Variants in AFG1L observed in about 807,000 individuals in gnomAD.
AFG1L encodes AFG1-like ATPase.
A neutral mutation model predicts 62.2 loss-of-function variants in AFG1L; 53 were observed. The observed-to-expected ratio is 0.85, with a 90% CI of 0.68 to 1.07. The LOEUF is 1.07. Ranked by LOEUF, AFG1L falls within the 50% of genes least tolerant of loss-of-function variation. AFG1L has a pLI of 0.00. For missense variants in AFG1L, 555 were observed against 590.5 expected, an observed-to-expected ratio of 0.94 and a Z score of 0.62; for synonymous variants, 228 against 210.3, an observed-to-expected ratio of 1.08 and a Z score of -0.73.
chr6:108,321,449 G>T (rs1777809201), intron 1 of AFG1L, among the ~76,000 whole-genome samples: 1 of 152,128 alleles, frequency 6.6e-6, no homozygotes, highest in Non-Finnish European at 1.5e-5. Context: ...GTCAGTGCGT[G>T]GGGCTGAAAG....
intron 10 of AFG1L, among the ~76,000 whole-genome samples, chr6:108,480,671 A>G (rs941719831): frequency 6.6e-6 from 1 of 152,104 alleles, no homozygotes; most frequent in Non-Finnish European, 1.5e-5. Flanking sequence ...GGTGGCAAGC[A>G]TCTGTAATCC....
At chr6:108,399,170 T>TTTTG (rs1433392811) in intron 6 of AFG1L, among the ~76,000 whole-genome samples, 5 of 138,822 alleles carry the variant, frequency 3.6e-5, no homozygotes, top group African/African-American at 1.4e-4. Context: ...CTGTCACTTC[T>TTTTG]TTTGTTTGTT....
intron 6 of AFG1L, 65 bp from the exon 7 acceptor site, chr6:108,401,931 C>T: frequency 4.1e-6 from 3 of 734,128 alleles, no homozygotes. Context: ...ATTTGCCAGG[C>T]TAAACGATAA....
intron 7 of AFG1L, among the ~76,000 whole-genome samples, chr6:108,427,112 A>G (rs1770848721): frequency 6.6e-6 from 1 of 151,916 alleles, no homozygotes; most frequent in Admixed American, 6.6e-5. Context: ...TTATTTATTT[A>G]TCTTTTTGGA....
intron 1 of AFG1L, among the ~76,000 whole-genome samples, chr6:108,321,839 C>G (rs1777821872): frequency 6.6e-6 from 1 of 152,106 alleles, no homozygotes; most frequent in South Asian, 2.1e-4. Context: ...AACAGAGACC[C>G]CAATTATACA....
In AFG1L at chr6:108,510,336, A is replaced by C; in HGVS notation, c.1187A>C (p.Asn396Thr). 6.2e-7 allele frequency: 1 copy of C among 1,609,762 alleles called. No homozygotes were observed. Among genetic ancestry groups the C allele is most frequent in the Non-Finnish European group, 8.5e-7 (1 of 1,178,714 alleles). ...CGAAGATTCATAACTCTCATCGATA[A>C]CTTTTATGATCTCAAGGTAAGGATG... ...QGRRFITLID[N>T]FYDLKVRIIC... is the part of the protein sequence containing the mutation. The change falls in exon 11 of 13, where the codon AAC (asparagine) becomes ACC (threonine). Residue 396 changes from asparagine (N) to threonine (T), a missense_variant. By Grantham distance (65) the Asn-to-Thr change is moderately conservative. Coordinates refer to ENST00000368977, the MANE Select transcript of AFG1L (RefSeq NM_145315.5).
chr6:108,380,352 T>C (rs1780445576), intron 6 of AFG1L, among the ~76,000 whole-genome samples: 1 of 151,768 alleles, frequency 6.6e-6, no homozygotes, highest in South Asian at 2.1e-4. Context: ...CTGCCTGGGG[T>C]TGGAAGAGAG....
At chr6:108,485,514 G>A (rs1582651030) in intron 10 of AFG1L, among the ~76,000 whole-genome samples, 1 of 149,764 alleles carries the variant, frequency 6.7e-6, no homozygotes, top group Admixed American at 6.7e-5. Context: ...TCTACTCTAG[G>A]AAAGTATGAG....
intron 6 of AFG1L, among the ~76,000 whole-genome samples, chr6:108,391,024 G>A (rs113100952): frequency 0.028 from 4,334 of 152,296 alleles, 95 homozygotes; most frequent in Middle Eastern, 0.085. Flanking sequence ...TTGATTGATG[G>A]GCATTTGGGC....
chr6:108,484,747 A>G lies in AFG1L; in HGVS notation c.1062+7455A>G, dbSNP rs138401504. On this transcript the variant is annotated intron_variant, in intron 10 of 12. Transcript: ENST00000368977. ...ATAATTGACTTATAATTTGATTTTA[A>G]AAAGTAAGATGTACATAAGTAACTT... Among the ~76,000 whole-genome samples the G allele has an allele frequency of 3.3e-4, 51 of 152,348 alleles. No homozygotes were observed. In the East Asian group the frequency reaches 8.7e-3, roughly 26 times the overall value.
At chr6:108,413,397 C>G (rs1404323237) in intron 7 of AFG1L, among the ~76,000 whole-genome samples, 1 of 152,228 alleles carries the variant, frequency 6.6e-6, no homozygotes, top group Non-Finnish European at 1.5e-5. Flanking sequence ...GAACTGAACT[C>G]AGCTCTGCAC....
At chr6:108,315,106 T>G (rs868745659) in intron 1 of AFG1L, among the ~76,000 whole-genome samples, 1 of 152,144 alleles carries the variant, frequency 6.6e-6, no homozygotes, top group Non-Finnish European at 1.5e-5. Flanking sequence ...CTCGAACTCC[T>G]GGCCTCAAGT....
At chr6:108,484,626 T>C (rs564258005) in intron 10 of AFG1L, among the ~76,000 whole-genome samples, 59 of 152,266 alleles carry the variant, frequency 3.9e-4, no homozygotes, top group African/African-American at 1.3e-3. Context: ...ATATAGGACA[T>C]GTTCAGATAG....
chr6:108,396,485 T>G (rs954836554), intron 6 of AFG1L, among the ~76,000 whole-genome samples: 2 of 152,252 alleles, frequency 1.3e-5, no homozygotes, highest in African/African-American at 2.4e-5. Flanking sequence ...ATATATCTTT[T>G]TTTTGTTTTG....
intron 1 of AFG1L, among the ~76,000 whole-genome samples, chr6:108,297,414 T>G (rs1776805792): frequency 6.6e-6 from 1 of 152,196 alleles, no homozygotes; most frequent in Admixed American, 6.5e-5. Context: ...GCCCCCATCT[T>G]TAAATAAAAG....
At chr6:108,461,154 A>T (rs1772449517) in intron 8 of AFG1L, among the ~76,000 whole-genome samples, 1 of 152,218 alleles carries the variant, frequency 6.6e-6, no homozygotes, top group Admixed American at 6.5e-5. Flanking sequence ...TCAAACTGAG[A>T]TGTCTCAGAT....
At chr6:108,404,877 A>G (rs974868639) in intron 7 of AFG1L, among the ~76,000 whole-genome samples, 9 of 151,684 alleles carry the variant, frequency 5.9e-5, no homozygotes, top group Non-Finnish European at 1.2e-4. Context: ...ACAAGTGCAC[A>G]CACCACCACA....
At chr6:108,472,674 G>A (rs1264163175) in intron 8 of AFG1L, among the ~76,000 whole-genome samples, 4 of 149,250 alleles carry the variant, frequency 2.7e-5, no homozygotes, top group Non-Finnish European at 5.9e-5. Flanking sequence ...CTTGTTCACC[G>A]AGCTATCTTT....
intron 1 of AFG1L, chr6:108,295,855 G>T (rs535967173): frequency 6.6e-6 from 1 of 152,096 alleles, no homozygotes; most frequent in African/African-American, 2.4e-5. Flanking sequence ...TCATGTATTC[G>T]CACTAAACTG....
Sources: gnomAD v4.1 joint callset for allele counts (sites outside exome capture counted in the v4.1 genomes callset) on GRCh38, gnomAD v4.1.1 for gene constraint, MANE v1.5 for transcripts, NCBI Gene and HGNC (gene_info 2026-07-23, HGNC 2026-07-21) for gene names.